The following VEGFA variants were observed in gnomAD, a reference collection of about 807,000 sequenced individuals.
VEGFA encodes the protein vascular endothelial growth factor A, also known as vascular endothelial growth factor A, long form.
A neutral mutation model predicts 49.7 loss-of-function variants in VEGFA; 20 were observed. The ratio of observed to expected loss-of-function variants is 0.40; its 90% CI spans 0.28 to 0.58. The LOEUF is 0.58. Among genes scored for constraint, VEGFA ranks in the 20% least tolerant of loss-of-function variants. The pLI is 0.40. For synonymous variants in VEGFA, 219 were observed against 223.4 expected, an observed-to-expected ratio of 0.98 and a Z score of 0.18; for missense variants, 505 against 553.5, an observed-to-expected ratio of 0.91 and a Z score of 0.88.
chr6:43,779,417 T>G, intron 5 of VEGFA: 1 of 339,066 alleles, frequency 2.9e-6, no homozygotes, highest in Non-Finnish European at 5.7e-6. Flanking sequence ...CACAGCCCTC[T>G]TGGCCAGGGA....
chr6:43,778,596 C>T (rs1477655085), intron 4 of VEGFA, 60 bp downstream of exon 4: 2 of 1,534,852 alleles, frequency 1.3e-6, no homozygotes, highest in African/African-American at 1.4e-5. Flanking sequence ...TGATCTGTGC[C>T]AGGGTTAAGC....
intron 4 of VEGFA, 90 bp downstream of exon 4, chr6:43,778,626 C>T: frequency 7.3e-7 from 1 of 1,366,902 alleles, no homozygotes; most frequent in South Asian, 1.2e-5. Flanking sequence ...TTTTTGGCCC[C>T]CGTCCAGCTT....
intron 5 of VEGFA, chr6:43,780,511 C>T (rs950557122): frequency 1.6e-5 from 10 of 612,034 alleles, no homozygotes; most frequent in South Asian, 3.8e-5. Flanking sequence ...TGGTGGGCAG[C>T]GTGAGGAGAA....
At chr6:43,779,244 C>T (rs966988375) in intron 5 of VEGFA, 5 of 506,900 alleles carry the variant, frequency 9.9e-6, no homozygotes, top group African/African-American at 9.6e-5. Context: ...TGCTCTAGGA[C>T]ACCCACAGTG....
At chr6:43,779,540 G>A in intron 5 of VEGFA, 1 of 385,332 alleles carries the variant, frequency 2.6e-6, no homozygotes, top group Non-Finnish European at 5.2e-6. Context: ...AAGACAGGGT[G>A]GGCGGCTGGC....
chr6:43,774,681 A>T (rs1376522508), intron 2 of VEGFA: 11 of 537,528 alleles, frequency 2.0e-5, no homozygotes, highest in Non-Finnish European at 3.4e-5. Context: ...GACAGTGTTC[A>T]GGGATCCTAG....
In VEGFA at chr6:43,777,711, G is replaced by GGCCCCCCCCCCCCCCCCCCCCCCCCC; in HGVS notation, c.855+46_855+47insGCCCCCCCCCCCCCCCCCCCCCCCCC. On this transcript the variant is annotated intron_variant, in intron 3 of 7. Coordinates refer to ENST00000672860, the MANE Select transcript of VEGFA (RefSeq NM_003376.6). This position sits in a 1 kb window ranked among gnomAD's most constrained non-coding sequence, Gnocchi z 4.3. ...GGGCAAGGGGGGGATAGGGAGGGGG[G>GGCCCCCCCCCCCCCCCCCCCCCCCCC]TAACACTTTGGGAACAGGTGGTCCC... 1 of 588,466 alleles carries GGCCCCCCCCCCCCCCCCCCCCCCCCC rather than the reference G, an allele frequency of 1.7e-6. No individual in the cohort carries two copies. Among genetic ancestry groups the GGCCCCCCCCCCCCCCCCCCCCCCCCC allele is most frequent in the East Asian group, 4.6e-5 (1 of 21,518 alleles). 36.5% of individuals were successfully genotyped at this position (588,466 alleles called of 1,614,324 possible).
At chr6:43,778,768 A>T in intron 4 of VEGFA, 121 bp from the exon 5 acceptor site, 1 of 1,154,998 alleles carries the variant, frequency 8.7e-7, no homozygotes, top group Non-Finnish European at 1.3e-6. Context: ...AGATTAAAAC[A>T]GTGTTGCTCC....
In VEGFA at chr6:43,785,324, C is replaced by T. The variant is rs926554562; in HGVS notation, c.*762C>T. 25 of 211,226 alleles carry T rather than the reference C, an allele frequency of 1.2e-4. No homozygotes were observed. Among genetic ancestry groups the T allele is most frequent in the Non-Finnish European group, 2.2e-4 (23 of 103,862 alleles). The allele number at this position is 211,226 out of a possible 1,614,324, so 13.1% of individuals were successfully genotyped here. A position where few individuals can be genotyped will look rare whatever the true frequency, so the allele number is the denominator to read the frequency against. ...CAGGGATGAGGACACCGGCTCTGAC[C>T]AGGAGTTTGGGGAGCTTCAGGACAT... On this transcript the variant is annotated 3_prime_UTR_variant, in exon 8 of 8. Transcript: ENST00000672860.
intron 7 of VEGFA, chr6:43,783,977 G>T (rs191649125): frequency 3.6e-4 from 61 of 169,840 alleles, no homozygotes; most frequent in Middle Eastern, 3.0e-3. Context: ...ACCTTCCTGG[G>T]GCCTCCTGCT....
intron 5 of VEGFA, 97 bp downstream of exon 5, chr6:43,779,015 C>A: frequency 6.6e-7 from 1 of 1,519,072 alleles, no homozygotes; most frequent in Non-Finnish European, 9.1e-7. Context: ...CATAGCCTCC[C>A]TGGGTCAGGG....
At chr6:43,780,104 C>G (rs373597882) in intron 5 of VEGFA, 32 of 218,166 alleles carry the variant, frequency 1.5e-4, no homozygotes, top group African/African-American at 6.8e-4. Flanking sequence ...ACACCCAGCC[C>G]TGCCTCCCAG....
chr6:43,774,601 G>T (rs1340722628), intron 2 of VEGFA: 11 of 623,566 alleles, frequency 1.8e-5, no homozygotes, highest in Admixed American at 1.6e-4. Flanking sequence ...AGTAGGACTT[G>T]TTGCCTTTTT....
Position 43,771,908 on chromosome 6 carries a change from C to G in VEGFA, c.606+596C>G, listed in dbSNP as rs935028384. 4 of 576,038 alleles carry G rather than the reference C, an allele frequency of 6.9e-6. No homozygotes were observed. The Admixed American group carries it at 2.5e-4, about 36-fold the overall frequency. 35.7% of individuals were successfully genotyped at this position (576,038 alleles called of 1,614,324 possible). A position where few individuals can be genotyped will look rare whatever the true frequency, so the allele number is the denominator to read the frequency against. On this transcript the variant is annotated intron_variant, in intron 1 of 7. Coordinates refer to ENST00000672860, the MANE Select transcript of VEGFA (RefSeq NM_003376.6). ...CCACCTGCGCCGCGCCAACCCCGCCCGTCCCCGCTCGCGTCCCGCTCGGTG... is the reference window on the plus strand; with the variant it reads ...CCACCTGCGCCGCGCCAACCCCGCCGGTCCCCGCTCGCGTCCCGCTCGGTG...
chr6:43,778,366 C>A, intron 3 of VEGFA, 94 bp from the exon 4 acceptor site: 1 of 1,088,388 alleles, frequency 9.2e-7, no homozygotes, highest in Non-Finnish European at 1.4e-6. Flanking sequence ...CTGCAGAACC[C>A]CTGGGTGCTG....
chr6:43,777,706 G>C lies in VEGFA; in HGVS notation c.855+41G>C, dbSNP rs775458730. ...AAGTGGGGCAAGGGGGGGATAGGGA[G>C]GGGGGTAACACTTTGGGAACAGGTG... On this transcript the variant is annotated intron_variant, in intron 3 of 7. Transcript: ENST00000672860. The surrounding 1 kb of genome is among the most constrained non-coding windows in gnomAD (Gnocchi z 4.3). 3 of 981,568 alleles carry C rather than the reference G, an allele frequency of 3.1e-6. No homozygotes were observed. The highest frequency in any genetic ancestry group is 2.5e-5 in the South Asian group (2 of 78,528). The allele number at this position is 981,568 out of a possible 1,614,324, so 60.8% of individuals were successfully genotyped here. A position where few individuals can be genotyped will look rare whatever the true frequency, so the allele number is the denominator to read the frequency against.
At position 43,782,078 on chromosome 6, in the gene VEGFA, G is replaced by C; in HGVS notation, c.1157G>C (p.Arg386Pro). Residue 386 changes from arginine to proline, a missense_variant, in exon 7 of 8, where the codon CGT becomes CCT. Arg to Pro is a moderately radical substitution (Grantham distance 103). Transcript: ENST00000672860. ...GCGAGGCAGCTTGAGTTAAACGAAC[G>C]TACTTGCAGGTTGGTTCCCAGAGGG... The C allele has an allele frequency of 6.2e-7, 1 of 1,613,780 alleles. No homozygotes were observed. Among genetic ancestry groups the C allele is most frequent in the Non-Finnish European group, 8.5e-7 (1 of 1,179,932 alleles).
chr6:43,781,079 T>C, intron 6 of VEGFA: 2 of 706,610 alleles, frequency 2.8e-6, no homozygotes, highest in Admixed American at 5.4e-5. Context: ...TGGGCACCGA[T>C]TTTCTCTCAC....
At chr6:43,771,420 A>T in intron 1 of VEGFA, 108 bp downstream of exon 1, 1 of 1,162,110 alleles carries the variant, frequency 8.6e-7, no homozygotes, top group East Asian at 2.9e-5. Context: ...ACGCGGGTCC[A>T]TGGGCACCAG....
Sources: gnomAD v4.1 joint callset for allele counts on GRCh38, gnomAD v4.1.1 for gene constraint, Gnocchi (gnomAD v3.1) non-coding constraint, MANE v1.5 for transcripts, NCBI Gene and HGNC (gene_info 2026-07-23, HGNC 2026-07-21) for gene names.